Variants in LTBP1 observed in about 807,000 individuals in gnomAD.
The protein encoded by LTBP1 is latent-transforming growth factor beta-binding protein 1.
In LTBP1, 129 loss-of-function variants were observed where a neutral mutation model predicts 207.6. That is an observed-to-expected ratio of 0.62 (90% confidence interval 0.54 to 0.72). LTBP1 has a LOEUF of 0.72. Ranked by LOEUF, LTBP1 falls within the 30% of genes least tolerant of loss-of-function variation. The pLI, the probability that LTBP1 is intolerant of heterozygous loss-of-function variation, is 0.00. For synonymous variants in LTBP1, 963 were observed against 833.7 expected (o/e 1.16, Z -2.67); for missense variants, 2,281 against 2,217.2 (o/e 1.03, Z -0.58).
intron 23 of LTBP1, among the ~76,000 whole-genome samples, chr2:33,311,179 T>A (rs1010848912): frequency 6.6e-6 from 1 of 152,170 alleles, no homozygotes; most frequent in African/African-American, 2.4e-5. Context: ...CAGCCATGTG[T>A]CAGAGATATG....
intron 3 of LTBP1, among the ~76,000 whole-genome samples, chr2:33,061,836 T>G (rs1329990053): frequency 6.6e-6 from 1 of 152,126 alleles, no homozygotes; most frequent in Non-Finnish European, 1.5e-5. Flanking sequence ...GAGTAGAATT[T>G]CTGTGTATAA....
chr2:33,104,856 T>G (rs1479563668), intron 3 of LTBP1, among the ~76,000 whole-genome samples: 1 of 152,156 alleles, frequency 6.6e-6, no homozygotes, highest in Non-Finnish European at 1.5e-5. Flanking sequence ...GAGTGGCCCT[T>G]TCTTCTGACA....
intron 7 of LTBP1, among the ~76,000 whole-genome samples, chr2:33,195,950 T>G (rs7584473): frequency 0.43 from 65,730 of 151,976 alleles, 14,733 homozygotes; most frequent in Non-Finnish European, 0.49. Flanking sequence ...AGCAAAAAGG[T>G]TATGACTCAC....
At chr2:33,154,321 G>C (rs1324200204) in intron 5 of LTBP1, among the ~76,000 whole-genome samples, 1 of 152,140 alleles carries the variant, frequency 6.6e-6, no homozygotes, top group Non-Finnish European at 1.5e-5. Flanking sequence ...GTAGAGTGAA[G>C]AGTCAGTTTT....
chr2:33,343,075 T>A (rs2094650404), intron 25 of LTBP1, 112 bp downstream of exon 25: 1 of 1,247,416 alleles, frequency 8.0e-7, no homozygotes, highest in Non-Finnish European at 1.1e-6. Context: ...TTATCGTAAT[T>A]TGATTTTGTC....
chr2:32,979,712 A>G (rs1053589284), intron 2 of LTBP1, among the ~76,000 whole-genome samples: 1 of 152,096 alleles, frequency 6.6e-6, no homozygotes, highest in Non-Finnish European at 1.5e-5. Context: ...TATTGTGTAG[A>G]TTAAGTCCAT....
At chr2:33,190,650 T>C (rs2087760905) in intron 7 of LTBP1, among the ~76,000 whole-genome samples, 1 of 152,202 alleles carries the variant, frequency 6.6e-6, no homozygotes, top group Non-Finnish European at 1.5e-5. Flanking sequence ...TTAATCAAGA[T>C]AATGTGAGCC....
intron 5 of LTBP1, among the ~76,000 whole-genome samples, chr2:33,156,420 C>G (rs115044113): frequency 0.015 from 2,268 of 152,198 alleles, 23 homozygotes; most frequent in East Asian, 0.027. Context: ...TTTCTTCCAT[C>G]GCATCTGACT....
chr2:33,095,262 A>G (rs763087472), intron 3 of LTBP1, among the ~76,000 whole-genome samples: 4 of 152,210 alleles, frequency 2.6e-5, no homozygotes, highest in Admixed American at 6.5e-5. Flanking sequence ...ATTTGAGAGC[A>G]ATAAAAAGCA....
At chr2:33,266,967 G>A (rs529677157) in intron 15 of LTBP1, among the ~76,000 whole-genome samples, 19 of 152,338 alleles carry the variant, frequency 1.2e-4, no homozygotes, top group African/African-American at 3.8e-4. Context: ...CCTTTGGGGA[G>A]CCCAAACCTA....
At chr2:33,264,606 C>A (rs2093122985) in intron 15 of LTBP1, among the ~76,000 whole-genome samples, 1 of 152,018 alleles carries the variant, frequency 6.6e-6, no homozygotes, top group South Asian at 2.1e-4. Flanking sequence ...TAGGAAAAAA[C>A]AATACCAAGA....
intron 2 of LTBP1, among the ~76,000 whole-genome samples, chr2:33,013,956 C>T (rs1276247544): frequency 6.6e-6 from 1 of 152,080 alleles, no homozygotes; most frequent in Non-Finnish European, 1.5e-5. Flanking sequence ...TTGCTATGCT[C>T]AACTATCTGG....
At chr2:33,394,649 G>A (rs575956950) in intron 32 of LTBP1, among the ~76,000 whole-genome samples, 26 of 152,248 alleles carry the variant, frequency 1.7e-4, no homozygotes, top group East Asian at 7.7e-4. Context: ...GCTCTGTTCC[G>A]TTCCATTGGT....
At chr2:33,224,850 C>T (rs1011850374) in intron 9 of LTBP1, among the ~76,000 whole-genome samples, 6 of 152,034 alleles carry the variant, frequency 3.9e-5, no homozygotes, top group Non-Finnish European at 8.8e-5. Flanking sequence ...ACCAATTTTT[C>T]CCCCAAAGAA....
At chr2:33,128,174 T>C (rs141652302) in intron 4 of LTBP1, among the ~76,000 whole-genome samples, 14 of 152,270 alleles carry the variant, frequency 9.2e-5, no homozygotes, top group African/African-American at 3.4e-4. Flanking sequence ...CAGACATGCT[T>C]CTCCACATAC....
At chr2:33,214,345 A>G (rs1400223564) in intron 7 of LTBP1, among the ~76,000 whole-genome samples, 1 of 152,142 alleles carries the variant, frequency 6.6e-6, no homozygotes, top group African/African-American at 2.4e-5. Flanking sequence ...CTCAAGGAGT[A>G]TGGAAACTAC....
At chr2:33,019,183 A>G (rs543000553) in intron 2 of LTBP1, among the ~76,000 whole-genome samples, 10 of 152,172 alleles carry the variant, frequency 6.6e-5, no homozygotes, top group African/African-American at 2.4e-4. Context: ...CTGCCTCAGG[A>G]CCAACAGTTT....
At chr2:33,333,395 G>A (rs1351593819) in intron 24 of LTBP1, among the ~76,000 whole-genome samples, 1 of 152,136 alleles carries the variant, frequency 6.6e-6, no homozygotes, top group Admixed American at 6.5e-5. Flanking sequence ...AGAAAACTCA[G>A]GATATCTTCT....
At chr2:33,288,395 T>C (rs973402983) in intron 19 of LTBP1, among the ~76,000 whole-genome samples, 2 of 152,150 alleles carry the variant, frequency 1.3e-5, no homozygotes, top group African/African-American at 4.8e-5. Flanking sequence ...AGGGAAATTT[T>C]AAATTTTAAA....
Sources: gnomAD v4.1 joint callset for allele counts (sites outside exome capture counted in the v4.1 genomes callset) on GRCh38, gnomAD v4.1.1 for gene constraint, MANE v1.5 for transcripts, NCBI Gene and HGNC (gene_info 2026-07-23, HGNC 2026-07-21) for gene names.